PDE4D: variants seen among roughly 807,000 people sequenced by gnomAD.
PDE4D encodes the protein phosphodiesterase 4D.
Under a neutral mutation model 87.4 loss-of-function variants are expected in PDE4D, and 24 were observed. The ratio of observed to expected loss-of-function variants is 0.27; its 90% confidence interval spans 0.20 to 0.39. PDE4D has a LOEUF of 0.39. Ranked by LOEUF, PDE4D falls within the 10% of genes least tolerant of loss-of-function variation. The pLI is 1.00. For missense variants in PDE4D, 714 were observed against 1,041.0 expected, an observed-to-expected ratio of 0.69 and a Z score of 4.32; for synonymous variants, 384 against 383.2, an observed-to-expected ratio of 1.00 and a Z score of -0.02.
intron 1 of PDE4D, among the ~76,000 whole-genome samples, chr5:59,595,939 T>C (rs1411767451): frequency 2.0e-5 from 3 of 152,022 alleles, no homozygotes; most frequent in Non-Finnish European, 4.4e-5. Flanking sequence ...TGGTCCACCA[T>C]ATATATTGTC....
chr5:60,016,353 G>T (rs146100217), intron 2 of PDE4D, among the ~76,000 whole-genome samples: 1 of 152,262 alleles, frequency 6.6e-6, no homozygotes, highest in African/African-American at 2.4e-5. Flanking sequence ...TGCTGACAGA[G>T]GGTCTTGCCT....
chr5:59,034,167 A>C (rs1758085037), intron 6 of PDE4D, among the ~76,000 whole-genome samples: 1 of 152,218 alleles, frequency 6.6e-6, no homozygotes, highest in South Asian at 2.1e-4. Context: ...TAAGCTACAT[A>C]AATCTTTCCC....
In PDE4D at chr5:59,532,598, A is replaced by C. The variant is rs535996995; in HGVS notation, c.456-316630T>G. On this transcript the variant is annotated intron_variant, in intron 1 of 14. Coordinates refer to ENST00000340635, the MANE Select transcript of PDE4D (RefSeq NM_001104631.2). Reference sequence around the variant, plus strand: ...GGTCTGAAAATTCTTAGCTAAAGAAATGTAAATTATTGATACTATACTTTT... The same window carrying C: ...GGTCTGAAAATTCTTAGCTAAAGAACTGTAAATTATTGATACTATACTTTT... Among the ~76,000 whole-genome samples the C allele has an allele frequency of 2.0e-5, 3 of 152,226 alleles. No individual in the cohort carries two copies. The East Asian group carries it at 5.8e-4, about 29-fold the overall frequency.
At chr5:60,101,989 C>T (rs1776263906) in intron 2 of PDE4D, among the ~76,000 whole-genome samples, 2 of 152,136 alleles carry the variant, frequency 1.3e-5, no homozygotes, top group South Asian at 2.1e-4. Flanking sequence ...TTAAAATATA[C>T]ATAGTCAGTC....
At chr5:59,570,318 A>G (rs145503081) in intron 1 of PDE4D, among the ~76,000 whole-genome samples, 332 of 152,364 alleles carry the variant, frequency 2.2e-3, no homozygotes, top group African/African-American at 7.8e-3. Context: ...GTATTAATAC[A>G]TGCATTCCCA....
intron 1 of PDE4D, among the ~76,000 whole-genome samples, chr5:59,460,728 C>A (rs1800646329): frequency 6.6e-6 from 1 of 152,098 alleles, no homozygotes; most frequent in South Asian, 2.1e-4. Flanking sequence ...AGCTGACTTT[C>A]CTAGACAATT....
At chr5:60,518,224 C>A (rs1211132279) in intron 1 of PDE4D, among the ~76,000 whole-genome samples, 1 of 152,254 alleles carries the variant, frequency 6.6e-6, no homozygotes, top group Non-Finnish European at 1.5e-5. Flanking sequence ...GTGCCTGGCT[C>A]ACCCTTGGCA....
At chr5:60,088,452 C>T (rs1312337731) in intron 2 of PDE4D, among the ~76,000 whole-genome samples, 2 of 151,740 alleles carry the variant, frequency 1.3e-5, no homozygotes, top group African/African-American at 4.8e-5. Context: ...ATTAAATAAT[C>T]TCAACAATTG....
chr5:59,981,603 C>A (rs1030334205), intron 3 of PDE4D, among the ~76,000 whole-genome samples: 7 of 152,066 alleles, frequency 4.6e-5, no homozygotes, highest in African/African-American at 1.7e-4. Flanking sequence ...TTTTGGGAAG[C>A]TTTGCCTAGT....
chr5:59,691,699 C>T (rs1393934643), intron 1 of PDE4D, among the ~76,000 whole-genome samples: 1 of 134,724 alleles, frequency 7.4e-6, no homozygotes. Context: ...TGCTCACGTA[C>T]CCTAGAACTT....
At chr5:60,396,288 TAAG>T (rs774066074) in intron 1 of PDE4D, among the ~76,000 whole-genome samples, 3 of 152,130 alleles carry the variant, frequency 2.0e-5, no homozygotes, top group Non-Finnish European at 4.4e-5. Context: ...GGAGTAAAAA[TAAG>T]AAAAGCCTCC....
intron 5 of PDE4D, among the ~76,000 whole-genome samples, chr5:59,128,667 A>C (rs1045761373): frequency 6.6e-6 from 1 of 152,206 alleles, no homozygotes; most frequent in African/African-American, 2.4e-5. Context: ...CCAATCTTTG[A>C]CACAAACACA....
intron 1 of PDE4D, among the ~76,000 whole-genome samples, chr5:59,744,930 T>C (rs1221015142): frequency 1.3e-5 from 2 of 152,196 alleles, no homozygotes; most frequent in African/African-American, 4.8e-5. Context: ...CTGAGTAATA[T>C]GCCTATCCCA....
intron 5 of PDE4D, among the ~76,000 whole-genome samples, chr5:59,116,854 C>T (rs557082896): frequency 7.2e-5 from 11 of 152,252 alleles, no homozygotes; most frequent in East Asian, 3.9e-4. Context: ...CTATGATAGA[C>T]GTCCCATTCC....
At chr5:59,037,005 AT>A (rs5868152) in intron 6 of PDE4D, among the ~76,000 whole-genome samples, 19,379 of 150,976 alleles carry the variant, frequency 0.13, 1,805 homozygotes, top group African/African-American at 0.25. Flanking sequence ...CATAATAAAG[AT>A]TTTTTTTTTA....
chr5:59,774,544 A>C (rs1216465129), intron 1 of PDE4D, among the ~76,000 whole-genome samples: 1 of 125,590 alleles, frequency 8.0e-6, no homozygotes, highest in Non-Finnish European at 1.6e-5. Flanking sequence ...AAAAAGACCA[A>C]ATCTAGTTAT....
chr5:59,566,900 T>TGG (rs776867462), intron 1 of PDE4D, among the ~76,000 whole-genome samples: 5 of 152,102 alleles, frequency 3.3e-5, no homozygotes, highest in Admixed American at 6.5e-5. Flanking sequence ...TGTTTGCTTG[T>TGG]GGGGTCTTTT....
intron 1 of PDE4D, among the ~76,000 whole-genome samples, chr5:59,397,943 C>T (rs2153612427): frequency 8.3e-6 from 1 of 120,774 alleles, no homozygotes; most frequent in South Asian, 2.7e-4. Flanking sequence ...TCAGAGAATA[C>T]TACAAACACC....
chr5:59,904,338 A>G (rs754099599), intron 3 of PDE4D, among the ~76,000 whole-genome samples: 1 of 152,136 alleles, frequency 6.6e-6, no homozygotes, highest in Non-Finnish European at 1.5e-5. Flanking sequence ...CCAAACTAGA[A>G]CCAGGACCCC....
Sources: gnomAD v4.1 joint callset for allele counts (sites outside exome capture counted in the v4.1 genomes callset) on GRCh38, gnomAD v4.1.1 for gene constraint, MANE v1.5 for transcripts, NCBI Gene and HGNC (gene_info 2026-07-23, HGNC 2026-07-21) for gene names.